CTNNA3: variants seen among roughly 807,000 people sequenced by gnomAD.
The protein encoded by CTNNA3 is catenin alpha 3.
CTNNA3 carries 76 observed loss-of-function variants against 95.7 expected under a neutral mutation model. The observed-to-expected ratio is 0.79, with a 90% CI of 0.66 to 0.96. The LOEUF (loss-of-function observed/expected upper bound fraction) is 0.96, where lower values mean the gene tolerates loss of function less well. CTNNA3 is among the 40% of genes least tolerant of loss of function. The pLI is 0.00. For synonymous variants in CTNNA3, 431 were observed against 374.4 expected, an observed-to-expected ratio of 1.15 and a Z score of -1.74; for missense variants, 1,191 against 1,089.8, an observed-to-expected ratio of 1.09 and a Z score of -1.31.
At chr10:66,375,014 C>T (rs955312422) in intron 12 of CTNNA3, among the ~76,000 whole-genome samples, 12 of 151,952 alleles carry the variant, frequency 7.9e-5, no homozygotes, top group African/African-American at 2.9e-4. Context: ...TTAAGAGCTA[C>T]AGTGCACGAG....
At chr10:67,233,019 G>C (rs1229721276) in intron 5 of CTNNA3, among the ~76,000 whole-genome samples, 1 of 152,120 alleles carries the variant, frequency 6.6e-6, no homozygotes, top group Admixed American at 6.5e-5. Context: ...AGCAAGTCCT[G>C]AGTGACCTAC....
intron 14 of CTNNA3, among the ~76,000 whole-genome samples, chr10:66,077,163 A>T (rs997705994): frequency 6.6e-6 from 1 of 151,742 alleles, no homozygotes; most frequent in Admixed American, 6.6e-5. Context: ...TTAGATATAA[A>T]ATGCTATGAT....
At chr10:66,871,107 C>G (rs1844384585) in intron 7 of CTNNA3, among the ~76,000 whole-genome samples, 1 of 152,096 alleles carries the variant, frequency 6.6e-6, no homozygotes, top group Admixed American at 6.6e-5. Context: ...TGCTTGATTG[C>G]TTGTTTAGAG....
intron 5 of CTNNA3, among the ~76,000 whole-genome samples, chr10:67,378,891 G>A (rs904971604): frequency 2.6e-5 from 4 of 151,964 alleles, no homozygotes; most frequent in Non-Finnish European, 5.9e-5. Flanking sequence ...AAGCATTCTG[G>A]ACTTTGGCTA....
chr10:66,334,150 T>C (rs2092366825), intron 12 of CTNNA3, among the ~76,000 whole-genome samples: 1 of 152,060 alleles, frequency 6.6e-6, no homozygotes, highest in African/African-American at 2.4e-5. Flanking sequence ...GTTTCCTGAA[T>C]ACAGCACACT....
chr10:66,120,407 T>G (rs2082528382), intron 13 of CTNNA3, among the ~76,000 whole-genome samples: 1 of 152,194 alleles, frequency 6.6e-6, no homozygotes, highest in Admixed American at 6.5e-5. Flanking sequence ...TAGTTAATAC[T>G]GTTAGAATTA....
At chr10:67,628,531 C>T (rs982070587) in intron 2 of CTNNA3, among the ~76,000 whole-genome samples, 5 of 152,106 alleles carry the variant, frequency 3.3e-5, no homozygotes, top group African/African-American at 1.2e-4. Context: ...TTGGGATTTT[C>T]CCAAAGACCC....
At chr10:67,497,120 C>A (rs1839049851) in intron 5 of CTNNA3, among the ~76,000 whole-genome samples, 1 of 152,198 alleles carries the variant, frequency 6.6e-6, no homozygotes, top group East Asian at 1.9e-4. Flanking sequence ...GTGTGATGTT[C>A]CCCTCCCTGT....
chr10:67,503,278 T>C (rs1406984595), intron 5 of CTNNA3, among the ~76,000 whole-genome samples: 2 of 152,180 alleles, frequency 1.3e-5, no homozygotes, highest in Non-Finnish European at 2.9e-5. Context: ...CTGCTTTGGC[T>C]CACCCTCTGT....
At chr10:66,832,702 G>T (rs1173394404) in intron 7 of CTNNA3, among the ~76,000 whole-genome samples, 1 of 151,484 alleles carries the variant, frequency 6.6e-6, no homozygotes, top group Non-Finnish European at 1.5e-5. Context: ...CTAGCTAGTA[G>T]CAATCCAGAA....
At chr10:67,584,235 G>T (rs988492492) in intron 3 of CTNNA3, among the ~76,000 whole-genome samples, 2 of 152,200 alleles carry the variant, frequency 1.3e-5, no homozygotes, top group African/African-American at 4.8e-5. Flanking sequence ...GTGACGTACA[G>T]ATGGGGTTTT....
intron 16 of CTNNA3, among the ~76,000 whole-genome samples, chr10:65,967,731 G>C (rs2078004620): frequency 6.6e-6 from 1 of 152,070 alleles, no homozygotes; most frequent in Non-Finnish European, 1.5e-5. Context: ...TCATACCATG[G>C]TAAATAGCTT....
intron 9 of CTNNA3, among the ~76,000 whole-genome samples, chr10:66,763,453 A>G (rs74141673): frequency 0.13 from 17,952 of 139,908 alleles, 1,530 homozygotes; most frequent in African/African-American, 0.26. Flanking sequence ...ATAGGAATCT[A>G]TAAGTCTGTA....
chr10:66,405,850 C>T (rs563128007), intron 11 of CTNNA3, among the ~76,000 whole-genome samples: 1 of 152,266 alleles, frequency 6.6e-6, no homozygotes, highest in South Asian at 2.1e-4. Context: ...TCCAAGTCTA[C>T]TCCCTTGGAC....
At position 67,277,617 on chromosome 10, in the gene CTNNA3, G is replaced by A. The variant is rs530928411; in HGVS notation, c.580-57747C>T. ...TAGTCACAGGATGAGATGGGAAGTC[G>A]GCACAAGATACAGGTCACAAAGACT... On this transcript the variant is annotated intron_variant, in intron 5 of 17. Transcript: ENST00000433211. Among the ~76,000 whole-genome samples, 160 of 152,078 alleles carry A rather than the reference G, an allele frequency of 1.1e-3. 2 individuals carry two copies. The South Asian group carries it at 0.02, about 19-fold the overall frequency.
chr10:66,705,537 GATA>G (rs1011745406), intron 9 of CTNNA3, among the ~76,000 whole-genome samples: 16 of 152,098 alleles, frequency 1.1e-4, no homozygotes, highest in African/African-American at 3.9e-4. Context: ...GGATTAAATT[GATA>G]ATGATGCCGT....
chr10:66,358,937 T>C (rs2092632451), intron 12 of CTNNA3, among the ~76,000 whole-genome samples: 1 of 152,204 alleles, frequency 6.6e-6, no homozygotes. Flanking sequence ...CCCTATTCAT[T>C]TTGTTCCTTA....
intron 5 of CTNNA3, among the ~76,000 whole-genome samples, chr10:67,500,088 T>A (rs1839180748): frequency 6.6e-6 from 1 of 152,240 alleles, no homozygotes; most frequent in Non-Finnish European, 1.5e-5. Flanking sequence ...AATTTCCCTG[T>A]ACACACCACT....
chr10:66,662,707 A>T (rs757341830), intron 9 of CTNNA3, among the ~76,000 whole-genome samples: 9 of 151,872 alleles, frequency 5.9e-5, no homozygotes, highest in Non-Finnish European at 1.0e-4. Flanking sequence ...TCCCTCCTTC[A>T]AGATCCTCAA....
Sources: gnomAD v4.1 joint callset for allele counts (sites outside exome capture counted in the v4.1 genomes callset) on GRCh38, gnomAD v4.1.1 for gene constraint, MANE v1.5 for transcripts, NCBI Gene and HGNC (gene_info 2026-07-23, HGNC 2026-07-21) for gene names.